Variants in TMEM108 observed in about 807,000 individuals in gnomAD.
TMEM108 encodes the protein transmembrane protein 108, also known as cancer/testis antigen 124.
In TMEM108, 12 loss-of-function variants were observed where a neutral mutation model predicts 35.1. The observed-to-expected ratio is 0.34, with a 90% CI of 0.22 to 0.55. The LOEUF (loss-of-function observed/expected upper bound fraction) is 0.55. TMEM108 is among the 20% of genes least tolerant of loss of function. TMEM108 has a pLI of 0.89. For missense variants in TMEM108, 680 were observed against 753.3 expected (o/e 0.90, Z 1.14); for synonymous variants, 287 against 308.6 (o/e 0.93, Z 0.73).
At chr3:133,336,282 C>A (rs2071500648) in intron 3 of TMEM108, among the ~76,000 whole-genome samples, 1 of 152,156 alleles carries the variant, frequency 6.6e-6, no homozygotes, top group Non-Finnish European at 1.5e-5. Flanking sequence ...CTTATCCCAC[C>A]CTTCCCCAAA....
chr3:133,253,050 G>A (rs758838318), intron 3 of TMEM108, among the ~76,000 whole-genome samples: 7 of 152,198 alleles, frequency 4.6e-5, no homozygotes, highest in East Asian at 1.9e-4. Flanking sequence ...AAGAGGATGT[G>A]TGTAGGTTAC....
intron 3 of TMEM108, among the ~76,000 whole-genome samples, chr3:133,232,979 T>A (rs1354074738): frequency 2.6e-5 from 4 of 152,156 alleles, no homozygotes; most frequent in Non-Finnish European, 2.9e-5. Flanking sequence ...AGAATACTTG[T>A]GTTTTTGAGA....
chr3:133,041,555 C>T (rs1943276788), intron 1 of TMEM108, among the ~76,000 whole-genome samples: 1 of 152,146 alleles, frequency 6.6e-6, no homozygotes, highest in Admixed American at 6.5e-5. Context: ...TTCTGAAAGC[C>T]ATAACTGTTT....
intron 2 of TMEM108, among the ~76,000 whole-genome samples, chr3:133,155,855 TC>T (rs1944873675): frequency 6.6e-6 from 1 of 152,058 alleles, no homozygotes; most frequent in South Asian, 2.1e-4. Context: ...TTTAATTAGG[TC>T]CCATTTATCA....
intron 2 of TMEM108, among the ~76,000 whole-genome samples, chr3:133,145,258 A>C (rs1444338532): frequency 6.6e-6 from 1 of 152,152 alleles, no homozygotes; most frequent in Non-Finnish European, 1.5e-5. Context: ...AGGTTTGTCA[A>C]AGATCAGATG....
Position 133,178,581 on chromosome 3 carries a change from G to C in TMEM108, c.-46-50685G>C, listed in dbSNP as rs1349167755. 7.2e-5 allele frequency among the ~76,000 whole-genome samples: 11 copies of C among 152,230 alleles called. No homozygotes were observed. The South Asian group carries it at 2.3e-3, about 32-fold the overall frequency. On this transcript the variant is annotated intron_variant, in intron 2 of 5. Coordinates refer to ENST00000321871, the MANE Select transcript of TMEM108 (RefSeq NM_023943.4). ...GGAAAGGATTCCCTATTTAATAAAT[G>C]GTTCTGGGAAAACTGGCTAGCCATA... is the stretch of plus-strand genomic sequence containing the variant.
At chr3:133,283,857 T>TCTCAGATA (rs1946948854) in intron 3 of TMEM108, among the ~76,000 whole-genome samples, 1 of 152,218 alleles carries the variant, frequency 6.6e-6, no homozygotes, top group Non-Finnish European at 1.5e-5. Flanking sequence ...ATTTAGTGTC[T>TCTCAGATA]CTCAGATACT....
At chr3:133,142,253 T>TC in intron 2 of TMEM108, among the ~76,000 whole-genome samples, 1 of 152,306 alleles carries the variant, frequency 6.6e-6, no homozygotes, top group South Asian at 2.1e-4. Context: ...TGTACATGGA[T>TC]AATGTGGTAA....
chr3:133,296,234 G>A (rs1947143755), intron 3 of TMEM108, among the ~76,000 whole-genome samples: 1 of 152,134 alleles, frequency 6.6e-6, no homozygotes, highest in Non-Finnish European at 1.5e-5. Context: ...AAACAAAGCA[G>A]AAGTAATAGA....
At chr3:133,391,368 G>A (rs1466096998) in intron 5 of TMEM108, among the ~76,000 whole-genome samples, 1 of 152,182 alleles carries the variant, frequency 6.6e-6, no homozygotes, top group Non-Finnish European at 1.5e-5. Context: ...GAGCTGAGAA[G>A]AGTTCTTGTG....
At chr3:133,071,212 G>A (rs997742681) in intron 2 of TMEM108, among the ~76,000 whole-genome samples, 3 of 152,104 alleles carry the variant, frequency 2.0e-5, no homozygotes, top group African/African-American at 7.2e-5. Context: ...CAGAGTGGGT[G>A]GCTTCAACAA....
intron 3 of TMEM108, among the ~76,000 whole-genome samples, chr3:133,244,696 C>T (rs1946360740): frequency 6.6e-6 from 1 of 152,182 alleles, no homozygotes; most frequent in African/African-American, 2.4e-5. Context: ...TCATTGCCAG[C>T]CTGACAATCC....
chr3:133,075,683 A>G (rs556661823), intron 2 of TMEM108, among the ~76,000 whole-genome samples: 29 of 152,098 alleles, frequency 1.9e-4, no homozygotes, highest in African/African-American at 6.7e-4. Context: ...TATCCATTCT[A>G]ACAGGTGTGA....
In TMEM108 at chr3:133,073,525, TA is replaced by T. The variant is rs1441302782; in HGVS notation, c.-47+27506del. Among the ~76,000 whole-genome samples the T allele has an allele frequency of 1.1e-4, 15 of 141,400 alleles. 1 individual carries two copies. Among genetic ancestry groups the T allele is most frequent in the Admixed American group, 1.0e-3 (14 of 13,862 alleles). 92.8% of individuals were successfully genotyped at this position (141,400 alleles called of 152,430 possible). A position where few individuals can be genotyped will look rare whatever the true frequency, so the allele number is the denominator to read the frequency against. On this transcript the variant is annotated intron_variant, in intron 2 of 5. Coordinates refer to ENST00000321871, the MANE Select transcript of TMEM108 (RefSeq NM_023943.4). Reference sequence around the variant, plus strand: ...CTCTCTCTCTCTATATATATATATATATATATATATCACATTTTCTTTATCC... The same window carrying T: ...CTCTCTCTCTCTATATATATATATATTATATATATCACATTTTCTTTATCC...
intron 2 of TMEM108, among the ~76,000 whole-genome samples, chr3:133,143,456 C>G (rs1944668113): frequency 6.6e-6 from 1 of 151,926 alleles, no homozygotes. Flanking sequence ...TTGTATAGGT[C>G]ATTTTCAATT....
At chr3:133,208,290 A>G (rs1407941311) in intron 2 of TMEM108, among the ~76,000 whole-genome samples, 1 of 152,140 alleles carries the variant, frequency 6.6e-6, no homozygotes, top group Non-Finnish European at 1.5e-5. Context: ...CCACTTGTGT[A>G]GACCACGTGG....
At chr3:133,146,002 G>A (rs1377041232) in intron 2 of TMEM108, among the ~76,000 whole-genome samples, 1 of 152,178 alleles carries the variant, frequency 6.6e-6, no homozygotes, top group African/African-American at 2.4e-5. Context: ...CCAATACTAT[G>A]TTGAATAGGA....
At chr3:133,083,122 C>G (rs923046712) in intron 2 of TMEM108, among the ~76,000 whole-genome samples, 1 of 152,094 alleles carries the variant, frequency 6.6e-6, no homozygotes, top group African/African-American at 2.4e-5. Flanking sequence ...TGAGCCTGTG[C>G]TTTCAACTAC....
At chr3:133,384,516 T>C (rs1189493990) in intron 4 of TMEM108, among the ~76,000 whole-genome samples, 1 of 152,122 alleles carries the variant, frequency 6.6e-6, no homozygotes, top group Non-Finnish European at 1.5e-5. Context: ...AATGCTTTTC[T>C]CTCCTGAGCC....
Sources: gnomAD v4.1 joint callset for allele counts (sites outside exome capture counted in the v4.1 genomes callset) on GRCh38, gnomAD v4.1.1 for gene constraint, MANE v1.5 for transcripts, NCBI Gene and HGNC (gene_info 2026-07-23, HGNC 2026-07-21) for gene names.